GTF2IRD1: variants seen among roughly 807,000 people sequenced by gnomAD.
GTF2IRD1 encodes the protein GTF2I repeat domain containing 1.
Under a neutral mutation model 113.2 loss-of-function variants are expected in GTF2IRD1, and 26 were observed. The ratio of observed to expected loss-of-function variants is 0.23; its 90% CI spans 0.17 to 0.32. GTF2IRD1 has a LOEUF of 0.32. GTF2IRD1 is among the 10% of genes least tolerant of loss of function. The pLI is 1.00. For synonymous variants in GTF2IRD1, 484 were observed against 529.1 expected, an observed-to-expected ratio of 0.91 and a Z score of 1.17; for missense variants, 864 against 1,280.8, an observed-to-expected ratio of 0.67 and a Z score of 4.97.
At chr7:74,566,066 A>G (rs1800295926) in intron 22 of GTF2IRD1, among the ~76,000 whole-genome samples, 1 of 152,046 alleles carries the variant, frequency 6.6e-6, no homozygotes, top group South Asian at 2.1e-4. Context: ...ATATATGCCC[A>G]TGGTAGAAAT....
At chr7:74,480,270 T>C (rs1188741828) in intron 1 of GTF2IRD1, among the ~76,000 whole-genome samples, 1 of 152,152 alleles carries the variant, frequency 6.6e-6, no homozygotes, top group African/African-American at 2.4e-5. Context: ...TGAGAGAGTA[T>C]TGGTGCCTGT....
intron 13 of GTF2IRD1, among the ~76,000 whole-genome samples, chr7:74,539,266 C>T (rs1198558571): frequency 9.2e-5 from 14 of 151,782 alleles, no homozygotes; most frequent in Non-Finnish European, 5.9e-5. Flanking sequence ...GGCAGCATAG[C>T]AACACCCACA....
chr7:74,589,099 T>TACAA (rs1554368684), intron 22 of GTF2IRD1, among the ~76,000 whole-genome samples: 2 of 152,158 alleles, frequency 1.3e-5, no homozygotes, highest in Non-Finnish European at 2.9e-5. Context: ...CTCACATCTG[T>TACAA]AATTCCTGAA....
chr7:74,493,647 T>C (rs2129644518), intron 1 of GTF2IRD1, among the ~76,000 whole-genome samples: 1 of 152,264 alleles, frequency 6.6e-6, no homozygotes, highest in East Asian at 1.9e-4. Context: ...TCTCCTGTGA[T>C]AGATGCCGGC....
chr7:74,515,671 C>A, intron 4 of GTF2IRD1, 75 bp downstream of exon 4: 4 of 1,340,674 alleles, frequency 3.0e-6, no homozygotes, highest in Non-Finnish European at 4.1e-6. Flanking sequence ...CAGAGGGGGC[C>A]CCCTCCTGTC....
chr7:74,487,451 T>G (rs1795097408), intron 1 of GTF2IRD1: 1 of 152,178 alleles, frequency 6.6e-6, no homozygotes, highest in Non-Finnish European at 1.5e-5. Flanking sequence ...TTTTTTGCAG[T>G]CTCCTATCTA....
intron 20 of GTF2IRD1, 72 bp downstream of exon 20, chr7:74,557,794 C>A: frequency 2.2e-6 from 2 of 919,920 alleles, no homozygotes; most frequent in Non-Finnish European, 3.5e-6. Context: ...CTTCCCAGTT[C>A]CAGCCGAGGG....
intron 1 of GTF2IRD1, among the ~76,000 whole-genome samples, chr7:74,500,545 C>T (rs1390999970): frequency 6.6e-6 from 1 of 151,984 alleles, no homozygotes; most frequent in Non-Finnish European, 1.5e-5. Context: ...CCCCAGCCAG[C>T]GGGCCAGGCC....
intron 14 of GTF2IRD1, among the ~76,000 whole-genome samples, chr7:74,541,452 C>A (rs1193683229): frequency 6.6e-6 from 1 of 151,984 alleles, no homozygotes; most frequent in Non-Finnish European, 1.5e-5. Flanking sequence ...ATGGTGAAAC[C>A]CTATCTCTAC....
intron 1 of GTF2IRD1, among the ~76,000 whole-genome samples, chr7:74,459,442 G>A (rs564930787): frequency 1.3e-5 from 2 of 151,830 alleles, no homozygotes; most frequent in African/African-American, 4.8e-5. Context: ...TGGGCGACAA[G>A]AGTGAAACTC....
intron 20 of GTF2IRD1, among the ~76,000 whole-genome samples, chr7:74,557,967 C>A (rs1359133599): frequency 2.0e-5 from 3 of 152,120 alleles, no homozygotes; most frequent in Non-Finnish European, 2.9e-5. Context: ...CTTTCAAGAA[C>A]TACACACAGA....
intron 22 of GTF2IRD1, among the ~76,000 whole-genome samples, chr7:74,568,257 C>G (rs1554361309): frequency 7.0e-6 from 1 of 142,262 alleles, no homozygotes; most frequent in East Asian, 2.2e-4. Flanking sequence ...TGTAATCCAG[C>G]ACTTTGGGAG....
intron 1 of GTF2IRD1, among the ~76,000 whole-genome samples, chr7:74,461,389 C>T (rs1793354053): frequency 6.6e-6 from 1 of 152,084 alleles, no homozygotes; most frequent in Admixed American, 6.5e-5. Context: ...TGGGGTCTAG[C>T]AGGGTCTCAA....
At chr7:74,551,664 G>A (rs1197890346) in intron 17 of GTF2IRD1, among the ~76,000 whole-genome samples, 4 of 152,028 alleles carry the variant, frequency 2.6e-5, no homozygotes, top group South Asian at 2.1e-4. Flanking sequence ...CAGGCCAGGC[G>A]TGGTGGCTCA....
chr7:74,559,053 T>G lies in GTF2IRD1; in HGVS notation c.2291+9T>G. ...AAGTTCACAGTCACCAGGTACTCAG[T>G]GGGAAGGGTGAGGGTGAAGAGGCAG... is the stretch of plus-strand genomic sequence containing the variant. On this transcript the variant is annotated intron_variant, in intron 21 of 26. Transcript: ENST00000424337. The G allele has an allele frequency of 6.2e-7, 1 of 1,611,280 alleles. No individual in the cohort carries two copies. Among genetic ancestry groups the G allele is most frequent in the South Asian group, 1.1e-5 (1 of 90,760 alleles).
At chr7:74,464,959 CT>C (rs1331725028) in intron 1 of GTF2IRD1, among the ~76,000 whole-genome samples, 7 of 152,158 alleles carry the variant, frequency 4.6e-5, no homozygotes, top group Admixed American at 6.5e-5. Flanking sequence ...AAGGAAGGCC[CT>C]TGGGTGCTCC....
intron 22 of GTF2IRD1, among the ~76,000 whole-genome samples, chr7:74,581,934 G>A (rs1801443038): frequency 6.6e-6 from 1 of 152,156 alleles, no homozygotes; most frequent in Non-Finnish European, 1.5e-5. Flanking sequence ...TTCAGCTCAG[G>A]AGGCGGAGGT....
intron 22 of GTF2IRD1, among the ~76,000 whole-genome samples, chr7:74,567,968 G>A (rs1432813808): frequency 1.3e-5 from 2 of 151,964 alleles, no homozygotes; most frequent in African/African-American, 4.8e-5. Flanking sequence ...GTATTTTTTA[G>A]TAGAGATGGG....
chr7:74,560,442 A>C (rs113726871), intron 22 of GTF2IRD1, among the ~76,000 whole-genome samples: 5 of 148,182 alleles, frequency 3.4e-5, no homozygotes, highest in Admixed American at 1.4e-4. Flanking sequence ...TTTTTAAAAA[A>C]ATATTTTATA....
Sources: allele counts gnomAD v4.1 joint callset (sites outside exome capture counted in the v4.1 genomes callset), GRCh38; gene constraint gnomAD v4.1.1; transcripts MANE v1.5; gene names NCBI Gene and HGNC (gene_info 2026-07-23, HGNC 2026-07-21).